SLC14A2: variants seen among roughly 807,000 people sequenced by gnomAD.
SLC14A2 encodes solute carrier family 14 member 2.
Under a neutral mutation model 104.6 loss-of-function variants are expected in SLC14A2, and 91 were observed. That is an observed-to-expected ratio of 0.87 (90% confidence interval 0.73 to 1.04). The LOEUF is 1.04. Among genes scored for constraint, SLC14A2 ranks in the 50% least tolerant of loss-of-function variants. The probability of loss-of-function intolerance (pLI) is 0.00; values close to 1 mark genes in which losing one functional copy is unlikely to be tolerated. For synonymous variants in SLC14A2, 476 were observed against 466.4 expected, an observed-to-expected ratio of 1.02 and a Z score of -0.27; for missense variants, 1,189 against 1,156.0, an observed-to-expected ratio of 1.03 and a Z score of -0.41.
chr18:45,496,808 C>T (rs2043106370), intron 2 of SLC14A2, among the ~76,000 whole-genome samples: 1 of 152,142 alleles, frequency 6.6e-6, no homozygotes, highest in African/African-American at 2.4e-5. Flanking sequence ...GGTGAGATAA[C>T]TGCTTGCTGG....
chr18:45,388,038 T>C (rs1264678244), intron 1 of SLC14A2, among the ~76,000 whole-genome samples: 2 of 150,952 alleles, frequency 1.3e-5, no homozygotes, highest in African/African-American at 4.9e-5. Flanking sequence ...AAGTCCTGGA[T>C]TGCCCTAAGC....
At chr18:45,661,033 G>A (rs1203177544) in intron 10 of SLC14A2, among the ~76,000 whole-genome samples, 2 of 152,138 alleles carry the variant, frequency 1.3e-5, no homozygotes, top group Admixed American at 1.3e-4. Context: ...TGTGAGAAAG[G>A]TACTTTCTGT....
At chr18:45,263,272 G>T (rs2084558077) in intron 1 of SLC14A2, among the ~76,000 whole-genome samples, 1 of 152,108 alleles carries the variant, frequency 6.6e-6, no homozygotes, top group African/African-American at 2.4e-5. Flanking sequence ...TTGGATTGTG[G>T]TTATGCATTT....
intron 1 of SLC14A2, among the ~76,000 whole-genome samples, chr18:45,382,001 T>C (rs146917206): frequency 1.3e-5 from 2 of 152,250 alleles, no homozygotes; most frequent in African/African-American, 4.8e-5. Context: ...ACATTTCCGC[T>C]TAGCACCCTC....
At chr18:45,554,668 G>C (rs2044107370) in intron 2 of SLC14A2, among the ~76,000 whole-genome samples, 1 of 152,044 alleles carries the variant, frequency 6.6e-6, no homozygotes, top group South Asian at 2.1e-4. Context: ...GGTGTGGGGG[G>C]GAATAAGGAG....
chr18:45,654,794 TCAGC>T (rs2045804101), intron 10 of SLC14A2, among the ~76,000 whole-genome samples: 1 of 152,136 alleles, frequency 6.6e-6, no homozygotes, highest in Non-Finnish European at 1.5e-5. Flanking sequence ...GGCTCATCCA[TCAGC>T]CCTCAAATCC....
At chr18:45,174,804 A>C in the SLC14A2 span, among the ~76,000 whole-genome samples, 1 of 152,306 alleles carries the variant, frequency 6.6e-6, no homozygotes, top group Admixed American at 6.5e-5. Flanking sequence ...CACTGGATGG[A>C]TGGATCATGC....
At chr18:45,273,469 G>A (rs1222365564) in intron 1 of SLC14A2, among the ~76,000 whole-genome samples, 1 of 152,112 alleles carries the variant, frequency 6.6e-6, no homozygotes, top group African/African-American at 2.4e-5. Flanking sequence ...GGGTAGGTAA[G>A]AATTTCCCAG....
intron 1 of SLC14A2, among the ~76,000 whole-genome samples, chr18:45,430,607 G>A (rs770094254): frequency 3.7e-4 from 56 of 151,496 alleles, no homozygotes; most frequent in Middle Eastern, 3.4e-3. Flanking sequence ...ATAGAGTCTC[G>A]CTCTATTTCC....
At chr18:45,318,823 TG>T (rs1480646715) in intron 1 of SLC14A2, among the ~76,000 whole-genome samples, 1 of 150,730 alleles carries the variant, frequency 6.6e-6, no homozygotes, top group Non-Finnish European at 1.5e-5. Flanking sequence ...CTCCCCAGGC[TG>T]GGACATCACT....
At chr18:45,178,694 T>C in the SLC14A2 span, among the ~76,000 whole-genome samples, 1 of 152,172 alleles carries the variant, frequency 6.6e-6, no homozygotes, top group Non-Finnish European at 1.5e-5. Flanking sequence ...AGCACATAAT[T>C]ACTGCTGCAT....
chr18:45,285,780 G>C (rs1000160258), intron 1 of SLC14A2, among the ~76,000 whole-genome samples: 1 of 150,352 alleles, frequency 6.7e-6, no homozygotes, highest in Non-Finnish European at 1.5e-5. Flanking sequence ...TTTCATGCAT[G>C]ACATGTCTCA....
intron 4 of SLC14A2, among the ~76,000 whole-genome samples, chr18:45,628,102 G>C (rs1283147624): frequency 6.6e-6 from 1 of 151,808 alleles, no homozygotes; most frequent in Non-Finnish European, 1.5e-5. Flanking sequence ...TATTTTTCCA[G>C]TGGCTCCCAA....
intron 1 of SLC14A2, among the ~76,000 whole-genome samples, chr18:45,391,613 C>A (rs962126687): frequency 2.6e-5 from 4 of 152,154 alleles, no homozygotes; most frequent in Non-Finnish European, 5.9e-5. Context: ...TTAATGATCA[C>A]CATTCTAACT....
intron 2 of SLC14A2, among the ~76,000 whole-genome samples, chr18:45,534,107 T>A (rs2043742976): frequency 6.6e-6 from 1 of 152,204 alleles, no homozygotes; most frequent in African/African-American, 2.4e-5. Flanking sequence ...AAATCGTGAT[T>A]TTGCTTGGGA....
At chr18:45,310,950 G>T (rs1312442551) in intron 1 of SLC14A2, among the ~76,000 whole-genome samples, 1 of 152,168 alleles carries the variant, frequency 6.6e-6, no homozygotes, top group African/African-American at 2.4e-5. Flanking sequence ...GCCTAGAGGG[G>T]CCTGGGACAA....
chr18:45,468,799 T>C (rs1311049145), intron 1 of SLC14A2, among the ~76,000 whole-genome samples: 2 of 152,246 alleles, frequency 1.3e-5, no homozygotes, highest in African/African-American at 4.8e-5. Context: ...CAATGGATTC[T>C]ATGTTTTTAA....
At chr18:45,507,030 G>A (rs1305535261) in intron 2 of SLC14A2, among the ~76,000 whole-genome samples, 1 of 152,182 alleles carries the variant, frequency 6.6e-6, no homozygotes, top group Non-Finnish European at 1.5e-5. Flanking sequence ...GTCCTTTCCT[G>A]TACATTGAAG....
intron 1 of SLC14A2, among the ~76,000 whole-genome samples, chr18:45,390,246 TG>T (rs1046741951): frequency 1.3e-5 from 2 of 152,184 alleles, no homozygotes; most frequent in Non-Finnish European, 2.9e-5. Flanking sequence ...GACCTTCATT[TG>T]TCCTGCTTCC....
Sources: gnomAD v4.1 joint callset for allele counts (sites outside exome capture counted in the v4.1 genomes callset) on GRCh38, gnomAD v4.1.1 for gene constraint, MANE v1.5 for transcripts, NCBI Gene and HGNC (gene_info 2026-07-23, HGNC 2026-07-21) for gene names.